Variants in PDE4D observed in about 807,000 individuals in gnomAD.
PDE4D encodes phosphodiesterase 4D.
PDE4D carries 24 observed loss-of-function variants against 87.4 expected under a neutral mutation model. The ratio of observed to expected loss-of-function variants is 0.27; its 90% CI spans 0.20 to 0.39. The LOEUF is 0.39. Among genes scored for constraint, PDE4D ranks in the 10% least tolerant of loss-of-function variants. PDE4D has a pLI of 1.00. For missense variants in PDE4D, 714 were observed against 1,041.0 expected, an observed-to-expected ratio of 0.69 and a Z score of 4.32; for synonymous variants, 384 against 383.2, an observed-to-expected ratio of 1.00 and a Z score of -0.02.
At chr5:59,883,967 T>C (rs1749812788) in intron 1 of PDE4D, among the ~76,000 whole-genome samples, 1 of 152,102 alleles carries the variant, frequency 6.6e-6, no homozygotes, top group Non-Finnish European at 1.5e-5. Flanking sequence ...ACAAGTGAAA[T>C]ATATTAAACG....
chr5:59,691,120 G>C (rs1321581629), intron 1 of PDE4D, among the ~76,000 whole-genome samples: 1 of 152,196 alleles, frequency 6.6e-6, no homozygotes, highest in African/African-American at 2.4e-5. Flanking sequence ...TACACTGTTG[G>C]TGGGACTGTA....
In PDE4D at chr5:59,893,595, C is replaced by A. The variant is rs1271829629; in HGVS notation, c.28G>T (p.Ala10Ser). The A allele has an allele frequency of 3.9e-6, 6 of 1,520,282 alleles. No homozygotes were observed. The highest frequency in any genetic ancestry group is 5.3e-6 in the Non-Finnish European group (6 of 1,135,188). 94.2% of individuals were successfully genotyped at this position (1,520,282 alleles called of 1,614,324 possible). The change falls in exon 1 of 15, where the codon GCC (alanine) becomes TCC (serine). Residue 10 changes from alanine to serine, a missense_variant. By Grantham distance (99) the Ala-to-Ser change is moderately conservative. Around this residue, in one of 7 missense-constraint regions of PDE4D, gnomAD observed 268 missense variants for 272.9 expected, o/e 0.98. Coordinates refer to ENST00000340635, the MANE Select transcript of PDE4D (RefSeq NM_001104631.2). The part of the protein sequence containing the change: MEAEGSSAP[A>S]RAGSGEGSDS... Reference sequence around the variant, plus strand: ...CTGCCCTCTCCGCTGCCCGCCCGGGCCGGCGCGCTGCTGCCCTCTGCCTCC... The same window carrying A: ...CTGCCCTCTCCGCTGCCCGCCCGGGACGGCGCGCTGCTGCCCTCTGCCTCC...
At chr5:59,491,298 A>G (rs1806138029) in intron 1 of PDE4D, among the ~76,000 whole-genome samples, 1 of 152,228 alleles carries the variant, frequency 6.6e-6, no homozygotes, top group Admixed American at 6.5e-5. Context: ...ATCAGATACC[A>G]TATATAAAGC....
At chr5:59,271,558 G>A (rs940245502) in intron 1 of PDE4D, among the ~76,000 whole-genome samples, 52 of 152,044 alleles carry the variant, frequency 3.4e-4, no homozygotes, top group Non-Finnish European at 1.2e-4. Flanking sequence ...GCTTTCCACT[G>A]TGATCATGAG....
chr5:59,255,412 G>A (rs1422695178), intron 1 of PDE4D, among the ~76,000 whole-genome samples: 3 of 152,120 alleles, frequency 2.0e-5, no homozygotes, highest in Non-Finnish European at 4.4e-5. Flanking sequence ...TGGGGTGGAA[G>A]GGAGGCAGGT....
At chr5:59,971,577 A>G (rs953254582) in intron 3 of PDE4D, among the ~76,000 whole-genome samples, 1 of 151,974 alleles carries the variant, frequency 6.6e-6, no homozygotes, top group African/African-American at 2.4e-5. Context: ...TTCAACAGTC[A>G]AAAGGGAATA....
At chr5:59,459,394 A>G (rs16889865) in intron 1 of PDE4D, among the ~76,000 whole-genome samples, 43,934 of 152,114 alleles carry the variant, frequency 0.29, 11,125 homozygotes, top group African/African-American at 0.69. Flanking sequence ...CCTGTTTCAC[A>G]TTCTATACAT....
intron 1 of PDE4D, among the ~76,000 whole-genome samples, chr5:59,292,963 A>C (rs1188388803): frequency 6.6e-6 from 1 of 152,198 alleles, no homozygotes; most frequent in Non-Finnish European, 1.5e-5. Flanking sequence ...TTCCCTTGCT[A>C]ATGAGATGAA....
chr5:59,814,683 C>T (rs1377496964), intron 1 of PDE4D, among the ~76,000 whole-genome samples: 1 of 152,164 alleles, frequency 6.6e-6, no homozygotes, highest in Non-Finnish European at 1.5e-5. Context: ...AGACCTCTCG[C>T]CACAAAAGGG....
intron 3 of PDE4D, among the ~76,000 whole-genome samples, chr5:59,975,593 T>G (rs778669220): frequency 3.9e-5 from 6 of 152,226 alleles, no homozygotes; most frequent in Non-Finnish European, 8.8e-5. Context: ...TTTTCTTATA[T>G]TGCACCTGCT....
intron 1 of PDE4D, among the ~76,000 whole-genome samples, chr5:59,511,151 AAAGAT>A (rs1810222059): frequency 6.6e-6 from 1 of 151,968 alleles, no homozygotes. Context: ...GTTTAATTTA[AAAGAT>A]AAGGAAAACT....
chr5:60,066,341 A>C (rs1485474843), intron 2 of PDE4D, among the ~76,000 whole-genome samples: 1 of 152,012 alleles, frequency 6.6e-6, no homozygotes, highest in Non-Finnish European at 1.5e-5. Context: ...ATTTTTTTAA[A>C]TACTGTATTT....
chr5:59,406,589 C>T (rs1330814026), intron 1 of PDE4D, among the ~76,000 whole-genome samples: 6 of 152,186 alleles, frequency 3.9e-5, no homozygotes, highest in Admixed American at 1.3e-4. Flanking sequence ...GGGATTTCAC[C>T]GTATTGGTCA....
At chr5:59,867,462 T>C (rs992510937) in intron 1 of PDE4D, among the ~76,000 whole-genome samples, 22 of 152,194 alleles carry the variant, frequency 1.4e-4, no homozygotes, top group African/African-American at 1.2e-4. Flanking sequence ...AAAAGTATAC[T>C]GAGAAAAAGC....
intron 3 of PDE4D, among the ~76,000 whole-genome samples, chr5:59,979,695 G>T (rs1342570053): frequency 2.6e-5 from 4 of 152,154 alleles, no homozygotes; most frequent in South Asian, 2.1e-4. Context: ...CCTCAGATTT[G>T]AAATAATCTA....
chr5:58,986,111 AC>A (rs972625237), intron 11 of PDE4D, among the ~76,000 whole-genome samples: 5 of 152,372 alleles, frequency 3.3e-5, no homozygotes, highest in African/African-American at 1.2e-4. Context: ...CTGTGGTCAC[AC>A]AGAAAGGAGA....
In PDE4D at chr5:59,565,355, C is replaced by CA. The variant is rs578004401; in HGVS notation, c.455+327812dup. ...GCAACATGGAAAAACCCTATATTTA[C>CA]AAAAAAATAAAAAATGAGCCAGGCA... On this transcript the variant is annotated intron_variant, in intron 1 of 14. Coordinates refer to ENST00000340635, the MANE Select transcript of PDE4D (RefSeq NM_001104631.2). 3.6e-4 allele frequency among the ~76,000 whole-genome samples: 54 copies of CA among 152,046 alleles called. 1 individual carries two copies. In the South Asian group the frequency reaches 6.7e-3, roughly 19 times the overall value.
At chr5:60,466,050 G>A (rs6860925) in intron 1 of PDE4D, among the ~76,000 whole-genome samples, 4,172 of 152,248 alleles carry the variant, frequency 0.027, 88 homozygotes, top group Middle Eastern at 0.088. Flanking sequence ...GGAACTGACT[G>A]TATTTCGAAA....
intron 1 of PDE4D, among the ~76,000 whole-genome samples, chr5:59,260,266 G>C (rs1761752329): frequency 6.6e-6 from 1 of 151,768 alleles, no homozygotes; most frequent in Non-Finnish European, 1.5e-5. Flanking sequence ...ATTCAATTAA[G>C]ACTTGCCTCG....
Sources: allele counts gnomAD v4.1 joint callset (sites outside exome capture counted in the v4.1 genomes callset), GRCh38; gene constraint gnomAD v4.1.1; regional missense constraint gnomAD v4.1.1; transcripts MANE v1.5; gene names NCBI Gene and HGNC (gene_info 2026-07-23, HGNC 2026-07-21).